Variants in WWTR1 observed in about 807,000 individuals in gnomAD.
WWTR1 encodes the protein WW domain containing transcription regulator 1.
WWTR1 carries 13 observed loss-of-function variants against 40.1 expected under a neutral mutation model. The observed-to-expected ratio is 0.32, with a 90% CI of 0.21 to 0.52. The LOEUF is 0.52. Ranked by LOEUF, WWTR1 falls within the 20% of genes least tolerant of loss-of-function variation. WWTR1 has a pLI of 0.97. For synonymous variants in WWTR1, 230 were observed against 210.1 expected (o/e 1.09, Z -0.82); for missense variants, 436 against 523.1 (o/e 0.83, Z 1.63).
At chr3:149,644,300 A>T (rs562094860) in intron 2 of WWTR1, among the ~76,000 whole-genome samples, 40 of 152,308 alleles carry the variant, frequency 2.6e-4, no homozygotes, top group Non-Finnish European at 4.3e-4. Context: ...TTCCAGCACC[A>T]CTAAAGCAAC....
At chr3:149,635,869 C>T (rs1023682535) in intron 2 of WWTR1, among the ~76,000 whole-genome samples, 3 of 152,072 alleles carry the variant, frequency 2.0e-5, no homozygotes, top group Non-Finnish European at 4.4e-5. Flanking sequence ...GAATATATGA[C>T]CATCTATGAG....
intron 3 of WWTR1, among the ~76,000 whole-genome samples, chr3:149,547,707 G>A (rs1227090370): frequency 6.6e-6 from 1 of 152,034 alleles, no homozygotes; most frequent in Non-Finnish European, 1.5e-5. Flanking sequence ...AAGCAGGAAT[G>A]CATCAAAGCT....
At chr3:149,621,410 C>T (rs1486585912) in intron 2 of WWTR1, among the ~76,000 whole-genome samples, 5 of 152,072 alleles carry the variant, frequency 3.3e-5, no homozygotes, top group African/African-American at 2.4e-5. Context: ...GTGACTAATG[C>T]TAGCAGCAAG....
At chr3:149,604,870 T>C (rs1160158209) in intron 2 of WWTR1, among the ~76,000 whole-genome samples, 1 of 152,210 alleles carries the variant, frequency 6.6e-6, no homozygotes, top group Non-Finnish European at 1.5e-5. Flanking sequence ...GCTGAAGCCA[T>C]ACGTTCTGCA....
At chr3:149,636,698 A>G (rs1711832271) in intron 2 of WWTR1, among the ~76,000 whole-genome samples, 1 of 152,204 alleles carries the variant, frequency 6.6e-6, no homozygotes, top group Non-Finnish European at 1.5e-5. Flanking sequence ...GAAAATCTAA[A>G]TAATGTAGAA....
At chr3:149,557,295 C>T (rs748009898) in intron 3 of WWTR1, among the ~76,000 whole-genome samples, 11 of 152,020 alleles carry the variant, frequency 7.2e-5, no homozygotes, top group Non-Finnish European at 1.6e-4. Context: ...TGATCTCGAA[C>T]GCCTGACCTC....
intron 3 of WWTR1, 120 bp from the exon 4 acceptor site, chr3:149,542,657 T>A: frequency 9.3e-7 from 1 of 1,079,568 alleles, no homozygotes; most frequent in Non-Finnish European, 1.3e-6. Flanking sequence ...CCAAAGTACT[T>A]TCCTGTTAAC....
chr3:149,700,705 C>T (rs1429612965), intron 1 of WWTR1, among the ~76,000 whole-genome samples: 1 of 152,088 alleles, frequency 6.6e-6, no homozygotes, highest in Non-Finnish European at 1.5e-5. Context: ...AAATTGGTAA[C>T]AATAGATAAC....
chr3:149,540,280 G>A (rs1358129383), intron 4 of WWTR1: 1 of 456,664 alleles, frequency 2.2e-6, no homozygotes, highest in Non-Finnish European at 4.4e-6. Flanking sequence ...GAACTTGGTT[G>A]GCATTTCTGT....
chr3:149,645,687 GC>G (rs1165570430), intron 2 of WWTR1, among the ~76,000 whole-genome samples: 1 of 152,200 alleles, frequency 6.6e-6, no homozygotes. Flanking sequence ...TATGATAGGT[GC>G]CCAGGTGCCC....
At chr3:149,684,235 T>C (rs1051783514) in intron 1 of WWTR1, among the ~76,000 whole-genome samples, 1 of 151,918 alleles carries the variant, frequency 6.6e-6, no homozygotes, top group Non-Finnish European at 1.5e-5. Flanking sequence ...TTGCCCAGGG[T>C]GGTCTTGAGT....
At chr3:149,603,795 A>G (rs951364919) in intron 2 of WWTR1, among the ~76,000 whole-genome samples, 1 of 151,396 alleles carries the variant, frequency 6.6e-6, no homozygotes, top group Non-Finnish European at 1.5e-5. Flanking sequence ...TAATGAGGGG[A>G]ATATAAGATA....
intron 2 of WWTR1, among the ~76,000 whole-genome samples, chr3:149,653,737 G>A (rs978078372): frequency 6.6e-6 from 1 of 152,174 alleles, no homozygotes; most frequent in Non-Finnish European, 1.5e-5. Flanking sequence ...TGACATGGGG[G>A]AAAGGTGTCG....
At position 149,596,175 on chromosome 3, in the gene WWTR1, T is replaced by C. The variant is rs564913704; in HGVS notation, c.432-23175A>G. On this transcript the variant is annotated intron_variant, in intron 2 of 6. Transcript: ENST00000360632. ...CATATTTCCTTCTATCCTCCAGTTATAACAAAAATTACAGTAAAGGACAGT... is the reference window on the plus strand; with the variant it reads ...CATATTTCCTTCTATCCTCCAGTTACAACAAAAATTACAGTAAAGGACAGT... 3.3e-5 allele frequency among the ~76,000 whole-genome samples: 5 copies of C among 152,350 alleles called. No homozygotes were observed. The East Asian group carries it at 5.8e-4, about 18-fold the overall frequency.
At chr3:149,569,687 A>G (rs1457610841) in intron 3 of WWTR1, among the ~76,000 whole-genome samples, 2 of 152,260 alleles carry the variant, frequency 1.3e-5, no homozygotes, top group Admixed American at 6.5e-5. Context: ...TATTAACTGT[A>G]TTTTGACATC....
chr3:149,644,306 G>T (rs529968760), intron 2 of WWTR1, among the ~76,000 whole-genome samples: 1 of 152,212 alleles, frequency 6.6e-6, no homozygotes, highest in Admixed American at 6.5e-5. Flanking sequence ...CACCACTAAA[G>T]CAACTTTTCA....
intron 4 of WWTR1, among the ~76,000 whole-genome samples, chr3:149,532,342 G>A (rs1735622744): frequency 6.6e-6 from 1 of 152,234 alleles, no homozygotes; most frequent in South Asian, 2.1e-4. Context: ...TTTAAGTGGT[G>A]AGAGGTTTCT....
chr3:149,685,089 C>T (rs1714598847), intron 1 of WWTR1, among the ~76,000 whole-genome samples: 1 of 152,180 alleles, frequency 6.6e-6, no homozygotes, highest in African/African-American at 2.4e-5. Context: ...TACTGTTTCG[C>T]TATTCCCATA....
intron 2 of WWTR1, among the ~76,000 whole-genome samples, chr3:149,603,017 G>A (rs1739313142): frequency 6.6e-6 from 1 of 151,574 alleles, no homozygotes; most frequent in Non-Finnish European, 1.5e-5. Context: ...TAAATAACCA[G>A]GCTTCTTTCT....
Sources: allele counts gnomAD v4.1 joint callset (sites outside exome capture counted in the v4.1 genomes callset), GRCh38; gene constraint gnomAD v4.1.1; transcripts MANE v1.5; gene names NCBI Gene and HGNC (gene_info 2026-07-23, HGNC 2026-07-21).